AP3S1: variants seen among roughly 807,000 people sequenced by gnomAD.
AP3S1 encodes the protein adaptor related protein complex 3 subunit sigma 1, also known as AP-3 complex subunit sigma-1.
In AP3S1, 12 loss-of-function variants were observed where a neutral mutation model predicts 21.3. That is an observed-to-expected ratio of 0.56 (90% CI 0.36 to 0.91). The LOEUF is 0.91. Ranked by LOEUF, AP3S1 falls within the 40% of genes least tolerant of loss-of-function variation. The pLI is 0.01. For missense variants in AP3S1, 116 were observed against 225.0 expected, an observed-to-expected ratio of 0.52 and a Z score of 3.10; for synonymous variants, 48 against 78.4, an observed-to-expected ratio of 0.61 and a Z score of 2.05.
chr5:115,896,191 G>A (rs1030522001), intron 4 of AP3S1, among the ~76,000 whole-genome samples: 1 of 152,174 alleles, frequency 6.6e-6, no homozygotes, highest in Non-Finnish European at 1.5e-5. Context: ...CGACTAGTGT[G>A]TATAGTACAT....
intron 5 of AP3S1, chr5:115,906,884 T>C: frequency 1.3e-6 from 2 of 1,499,190 alleles, no homozygotes; most frequent in African/African-American, 1.4e-5. Context: ...TTGAGAAATA[T>C]GTACTATAAC....
intron 3 of AP3S1, among the ~76,000 whole-genome samples, chr5:115,882,005 G>C (rs971568972): frequency 6.6e-6 from 1 of 151,504 alleles, no homozygotes; most frequent in Non-Finnish European, 1.5e-5. Context: ...TATTGATACT[G>C]TGTGTGCTTC....
At chr5:115,892,205 C>T (rs1750367589) in intron 3 of AP3S1, among the ~76,000 whole-genome samples, 1 of 152,158 alleles carries the variant, frequency 6.6e-6, no homozygotes, top group Non-Finnish European at 1.5e-5. Flanking sequence ...CCCTTGTACA[C>T]TTGGTGAGAA....
At chr5:115,849,729 A>C (rs1762303122) in intron 1 of AP3S1, among the ~76,000 whole-genome samples, 1 of 152,120 alleles carries the variant, frequency 6.6e-6, no homozygotes. Context: ...TAGGCTCTGT[A>C]AAGAAGGTGT....
chr5:115,844,374 C>T (rs960857409), intron 1 of AP3S1, among the ~76,000 whole-genome samples: 4 of 151,914 alleles, frequency 2.6e-5, no homozygotes, highest in Non-Finnish European at 5.9e-5. Flanking sequence ...AAAAATAAAG[C>T]GGGTAAGAGT....
chr5:115,861,980 G>T (rs1370590895), intron 1 of AP3S1, among the ~76,000 whole-genome samples: 2 of 148,328 alleles, frequency 1.3e-5, no homozygotes, highest in African/African-American at 5.0e-5. Context: ...GATTATAGGT[G>T]TGAGCCACTG....
chr5:115,879,125 C>A (rs1309836932), intron 3 of AP3S1, among the ~76,000 whole-genome samples: 1 of 152,130 alleles, frequency 6.6e-6, no homozygotes, highest in African/African-American at 2.4e-5. Flanking sequence ...TCTAAATATA[C>A]AATCATGTCA....
At chr5:115,843,842 A>C (rs1283666195) in intron 1 of AP3S1, among the ~76,000 whole-genome samples, 1 of 152,206 alleles carries the variant, frequency 6.6e-6, no homozygotes, top group South Asian at 2.1e-4. Context: ...CCTTGTCCAA[A>C]AGTGGGAACA....
At chr5:115,909,850 A>G (rs1331231782) in intron 5 of AP3S1, among the ~76,000 whole-genome samples, 4 of 152,194 alleles carry the variant, frequency 2.6e-5, no homozygotes, top group African/African-American at 9.6e-5. Context: ...TGAACCTTAT[A>G]TATGCTATGT....
intron 4 of AP3S1, among the ~76,000 whole-genome samples, chr5:115,897,986 C>G (rs1381361576): frequency 2.0e-5 from 3 of 152,134 alleles, no homozygotes; most frequent in Admixed American, 6.5e-5. Flanking sequence ...TGTTATCAGT[C>G]AGGATGAGCT....
intron 1 of AP3S1, among the ~76,000 whole-genome samples, chr5:115,860,476 G>T (rs1251871564): frequency 1.3e-5 from 2 of 152,104 alleles, no homozygotes; most frequent in Non-Finnish European, 2.9e-5. Context: ...ATGAACTTTT[G>T]TTGGGGATGG....
chr5:115,842,133 G>A, intron 1 of AP3S1, 27 bp downstream of exon 1: 3 of 1,517,224 alleles, frequency 2.0e-6, no homozygotes, highest in Non-Finnish European at 2.7e-6. Flanking sequence ...CGCTGATCCG[G>A]GCGAGGGGGA....
At chr5:115,849,500 A>G (rs926175368) in intron 1 of AP3S1, among the ~76,000 whole-genome samples, 2 of 152,206 alleles carry the variant, frequency 1.3e-5, no homozygotes, top group Non-Finnish European at 2.9e-5. Context: ...CAGGAGATAA[A>G]GCTAAAGAGA....
At chr5:115,863,936 A>C (rs948322757) in intron 1 of AP3S1, among the ~76,000 whole-genome samples, 1 of 152,242 alleles carries the variant, frequency 6.6e-6, no homozygotes, top group African/African-American at 2.4e-5. Flanking sequence ...ACCATTAAGA[A>C]AACCATTGCA....
At chr5:115,905,650 A>G (rs930106130) in intron 5 of AP3S1, among the ~76,000 whole-genome samples, 3 of 152,186 alleles carry the variant, frequency 2.0e-5, no homozygotes, top group African/African-American at 7.2e-5. Flanking sequence ...TAGCTTTTGT[A>G]TATTTTAAGT....
chr5:115,883,830 G>A (rs930726057), intron 3 of AP3S1, among the ~76,000 whole-genome samples: 1 of 152,174 alleles, frequency 6.6e-6, no homozygotes, highest in Non-Finnish European at 1.5e-5. Context: ...ATCAATATGA[G>A]CTTTAAAAAA....
intron 1 of AP3S1, among the ~76,000 whole-genome samples, chr5:115,850,832 A>T (rs571065258): frequency 6.6e-6 from 1 of 152,266 alleles, no homozygotes; most frequent in South Asian, 2.1e-4. Context: ...GGAGACTCAG[A>T]CTCAAGTATC....
chr5:115,849,587 A>G (rs572246303), intron 1 of AP3S1, among the ~76,000 whole-genome samples: 2 of 152,288 alleles, frequency 1.3e-5, no homozygotes, highest in South Asian at 4.1e-4. Flanking sequence ...CATCATGCCC[A>G]GCATGTTCTC....
At chr5:115,910,845 G>A (rs1752043190) in intron 5 of AP3S1, among the ~76,000 whole-genome samples, 1 of 151,986 alleles carries the variant, frequency 6.6e-6, no homozygotes, top group Admixed American at 6.6e-5. Context: ...AAAACTTAAA[G>A]CACCTATTAC....
Sources: gnomAD v4.1 joint callset for allele counts (sites outside exome capture counted in the v4.1 genomes callset) on GRCh38, gnomAD v4.1.1 for gene constraint, MANE v1.5 for transcripts, NCBI Gene and HGNC (gene_info 2026-07-23, HGNC 2026-07-21) for gene names.